PLXDC2: variants seen among roughly 807,000 people sequenced by gnomAD.
PLXDC2 encodes the protein plexin domain containing 2.
PLXDC2 carries 40 observed loss-of-function variants against 68.9 expected under a neutral mutation model. The ratio of observed to expected loss-of-function variants is 0.58; its 90% CI spans 0.45 to 0.76. PLXDC2 has a LOEUF of 0.76. Among genes scored for constraint, PLXDC2 ranks in the 30% least tolerant of loss-of-function variants. The pLI is 0.00. For synonymous variants in PLXDC2, 243 were observed against 234.2 expected (o/e 1.04, Z -0.34); for missense variants, 644 against 661.9 (o/e 0.97, Z 0.30).
chr10:20,273,601 A>G (rs1356319737), intron 13 of PLXDC2, among the ~76,000 whole-genome samples: 1 of 152,240 alleles, frequency 6.6e-6, no homozygotes, highest in Non-Finnish European at 1.5e-5. Flanking sequence ...CATCCCTTCA[A>G]TCACATGTAC....
intron 1 of PLXDC2, among the ~76,000 whole-genome samples, chr10:19,819,325 A>T (rs145384460): frequency 6.6e-6 from 1 of 152,252 alleles, no homozygotes; most frequent in Non-Finnish European, 1.5e-5. Flanking sequence ...TTTTATAAAC[A>T]GAAGTAGCTT....
chr10:20,168,216 C>T (rs980054511), intron 7 of PLXDC2, among the ~76,000 whole-genome samples: 1 of 152,028 alleles, frequency 6.6e-6, no homozygotes, highest in South Asian at 2.1e-4. Flanking sequence ...GGAATATTGT[C>T]ATTTGATTAT....
rs1234427691 is a variant in PLXDC2 at position 19,933,827 on chromosome 10, A to AAGGAAGGAAGGAGGGG, written c.113-67935_113-67920dup. Among the ~76,000 whole-genome samples the AAGGAAGGAAGGAGGGG allele has an allele frequency of 6.2e-5, 8 of 128,578 alleles. No individual in the cohort carries two copies. The South Asian group carries it at 1.5e-3, about 24-fold the overall frequency. 84.4% of individuals were successfully genotyped at this position (128,578 alleles called of 152,430 possible). A position where few individuals can be genotyped will look rare whatever the true frequency, so the allele number is the denominator to read the frequency against. ...GAGGGAGGGAAAAAAGGAAGGAGGG[A>AAGGAAGGAAGGAGGGG]AGGAAGGAAGGAGGGGAGGAAGGAA... On this transcript the variant is annotated intron_variant, in intron 1 of 13. Transcript: ENST00000377252.
At chr10:19,898,902 A>G (rs1385736072) in intron 1 of PLXDC2, among the ~76,000 whole-genome samples, 1 of 152,234 alleles carries the variant, frequency 6.6e-6, no homozygotes, top group East Asian at 1.9e-4. Flanking sequence ...AAGCTACTTT[A>G]TAGCCACTGG....
intron 4 of PLXDC2, among the ~76,000 whole-genome samples, chr10:20,094,751 C>A (rs535496117): frequency 1.3e-5 from 2 of 152,054 alleles, no homozygotes; most frequent in African/African-American, 4.8e-5. Context: ...TTGTTGCTGT[C>A]GCTACTGACA....
intron 1 of PLXDC2, among the ~76,000 whole-genome samples, chr10:19,884,225 T>C (rs1837797332): frequency 6.6e-6 from 1 of 152,088 alleles, no homozygotes; most frequent in Non-Finnish European, 1.5e-5. Flanking sequence ...TGAGGACTTA[T>C]TAATAATAAT....
chr10:19,983,811 TC>T (rs1328638613), intron 1 of PLXDC2, among the ~76,000 whole-genome samples: 1 of 152,152 alleles, frequency 6.6e-6, no homozygotes, highest in African/African-American at 2.4e-5. Context: ...ACCTTGGACC[TC>T]CCGAGTCAGA....
chr10:20,280,149 GA>G lies in PLXDC2; in HGVS notation c.*340del, dbSNP rs199670298. The G allele has an allele frequency of 0.017, 3,324 of 195,902 alleles. 240 individuals are homozygous for G. Among genetic ancestry groups the G allele is most frequent in the Admixed American group, 0.12 (2,019 of 17,108 alleles). The allele number at this position is 195,902 out of a possible 1,614,324, so 12.1% of individuals were successfully genotyped here. A position where few individuals can be genotyped will look rare whatever the true frequency, so the allele number is the denominator to read the frequency against. ...TAGGTGCAGGGTTGCAAAGGGATCAGAAAAAAAAAATCATAATAAAGCTTTA... is the reference window on the plus strand; with the variant it reads ...TAGGTGCAGGGTTGCAAAGGGATCAGAAAAAAAAATCATAATAAAGCTTTA... On this transcript the variant is annotated 3_prime_UTR_variant, in exon 14 of 14. Coordinates refer to ENST00000377252, the MANE Select transcript of PLXDC2 (RefSeq NM_032812.9).
chr10:20,067,948 A>T (rs962805961), intron 3 of PLXDC2, among the ~76,000 whole-genome samples: 4 of 152,204 alleles, frequency 2.6e-5, no homozygotes, highest in African/African-American at 9.7e-5. Context: ...GACAACTAAA[A>T]TGCCGTGGTG....
intron 7 of PLXDC2, among the ~76,000 whole-genome samples, chr10:20,166,808 A>G (rs1834382276): frequency 6.6e-6 from 1 of 152,158 alleles, no homozygotes; most frequent in African/African-American, 2.4e-5. Flanking sequence ...GTACTTAGAT[A>G]TCAGGGCCCT....
chr10:20,242,746 T>C (rs2119329433), intron 12 of PLXDC2, among the ~76,000 whole-genome samples: 1 of 152,304 alleles, frequency 6.6e-6, no homozygotes, highest in Admixed American at 6.5e-5. Flanking sequence ...AGTCTCGCTC[T>C]GTCGCCCAGG....
chr10:20,243,701 A>G (rs1353611101), intron 12 of PLXDC2, among the ~76,000 whole-genome samples: 4 of 115,068 alleles, frequency 3.5e-5, no homozygotes, highest in East Asian at 2.1e-4. Context: ...ATGAAGTTTA[A>G]TAGACAAAAA....
At chr10:19,918,163 A>C (rs539020879) in intron 1 of PLXDC2, among the ~76,000 whole-genome samples, 87 of 152,262 alleles carry the variant, frequency 5.7e-4, no homozygotes, top group South Asian at 1.7e-3. Flanking sequence ...CAGATATCCT[A>C]GTTTAGATGA....
chr10:20,266,374 A>C (rs974593979), intron 13 of PLXDC2, among the ~76,000 whole-genome samples: 3 of 152,038 alleles, frequency 2.0e-5, no homozygotes, highest in Admixed American at 1.3e-4. Flanking sequence ...AAAAAAAAAA[A>C]AACGTAATGA....
At chr10:20,052,806 AT>A (rs938326137) in intron 3 of PLXDC2, among the ~76,000 whole-genome samples, 4 of 151,982 alleles carry the variant, frequency 2.6e-5, no homozygotes, top group Non-Finnish European at 4.4e-5. Flanking sequence ...AGGGCTAACG[AT>A]TTAGCCTTGA....
At chr10:20,219,000 T>C (rs1835176048) in intron 11 of PLXDC2, 64 bp from the exon 12 acceptor site, 2 of 1,563,392 alleles carry the variant, frequency 1.3e-6, no homozygotes, top group Non-Finnish European at 1.7e-6. Flanking sequence ...TTACTAGTCA[T>C]AAGATTTATG....
intron 9 of PLXDC2, among the ~76,000 whole-genome samples, chr10:20,187,380 T>G (rs557371590): frequency 6.6e-6 from 1 of 151,848 alleles, no homozygotes; most frequent in African/African-American, 2.4e-5. Flanking sequence ...TATACACATT[T>G]ATAGGGTACA....
In PLXDC2 at chr10:20,114,511, G is replaced by A. The variant is rs917540132; in HGVS notation, c.542-28784G>A. On this transcript the variant is annotated intron_variant, in intron 4 of 13. Coordinates refer to ENST00000377252, the MANE Select transcript of PLXDC2 (RefSeq NM_032812.9). The stretch of plus-strand genomic sequence containing the variant: ...TGGTGAGAGAGGGGAATAGACCTAG[G>A]AATGGATGTGAAAACAAACAATTTT... 7.2e-5 allele frequency among the ~76,000 whole-genome samples: 11 copies of A among 152,282 alleles called. No homozygotes were observed. The East Asian group carries it at 2.1e-3, about 29-fold the overall frequency.
At chr10:19,965,628 T>G (rs545532451) in intron 1 of PLXDC2, among the ~76,000 whole-genome samples, 142 of 152,002 alleles carry the variant, frequency 9.3e-4, no homozygotes, top group South Asian at 3.1e-3. Context: ...ATACCTTGGC[T>G]TCTGTGAGTC....
Sources: gnomAD v4.1 joint callset for allele counts (sites outside exome capture counted in the v4.1 genomes callset) on GRCh38, gnomAD v4.1.1 for gene constraint, MANE v1.5 for transcripts, NCBI Gene and HGNC (gene_info 2026-07-23, HGNC 2026-07-21) for gene names.